The following MTHFD1L variants were observed in gnomAD, a reference collection of about 807,000 sequenced individuals.
MTHFD1L encodes the protein monofunctional C1-tetrahydrofolate synthase, mitochondrial.
MTHFD1L carries 81 observed loss-of-function variants against 119.5 expected under a neutral mutation model. That is an observed-to-expected ratio of 0.68 (90% CI 0.57 to 0.82). The LOEUF (loss-of-function observed/expected upper bound fraction) is 0.82. Ranked by LOEUF, MTHFD1L falls within the 40% of genes least tolerant of loss-of-function variation. MTHFD1L has a pLI of 0.00. For synonymous variants in MTHFD1L, 430 were observed against 475.2 expected (o/e 0.90, Z 1.24); for missense variants, 1,125 against 1,253.4 (o/e 0.90, Z 1.55).
rs183884942 is a variant in MTHFD1L at position 151,037,162 on chromosome 6, C to G, written c.2847+45C>G. 2,623 of 1,602,354 alleles carry G rather than the reference C, an allele frequency of 1.6e-3. 25 individuals carry two copies. The African/African-American group carries it at 0.026, about 16-fold the overall frequency. On this transcript the variant is annotated intron_variant, in intron 26 of 27. Coordinates refer to ENST00000367321, the MANE Select transcript of MTHFD1L (RefSeq NM_015440.5). ...CAAAAACCCTCCCCATTCTGCATTG[C>G]TGTGGTGCCTCAAATCGTTATGCTC...
At chr6:151,090,893 T>C (rs34134755) in intron 26 of MTHFD1L, among the ~76,000 whole-genome samples, 44,280 of 88,908 alleles carry the variant, frequency 0.5, 8,234 homozygotes, top group East Asian at 0.68. Context: ...GGTGCAGCAT[T>C]GCCCCATGCG....
chr6:151,058,694 G>T (rs1416441830), intron 26 of MTHFD1L, among the ~76,000 whole-genome samples: 1 of 152,214 alleles, frequency 6.6e-6, no homozygotes, highest in Non-Finnish European at 1.5e-5. Context: ...GAGTGGCTTG[G>T]CCTGGCCTGG....
chr6:150,866,132 G>GGA, intron 1 of MTHFD1L, 83 bp downstream of exon 1: 1 of 1,435,366 alleles, frequency 7.0e-7, no homozygotes, highest in Non-Finnish European at 9.1e-7. Flanking sequence ...ACCGCCGTGG[G>GGA]GAGCGGGGCG....
chr6:151,011,074 A>G (rs757629507), intron 21 of MTHFD1L, among the ~76,000 whole-genome samples: 36 of 152,328 alleles, frequency 2.4e-4, no homozygotes, highest in Non-Finnish European at 3.8e-4. Context: ...ATCTCCTACT[A>G]TGTCCACCAT....
intron 24 of MTHFD1L, 123 bp from the exon 25 acceptor site, chr6:151,034,370 G>A (rs1425905006): frequency 8.8e-6 from 6 of 678,418 alleles, no homozygotes; most frequent in Admixed American, 7.9e-5. Flanking sequence ...GAATCCTGCA[G>A]TTGCTGAGGG....
chr6:150,959,180 T>C (rs1002345357), intron 17 of MTHFD1L: 1 of 984,544 alleles, frequency 1.0e-6, no homozygotes, highest in Non-Finnish European at 1.2e-6. Flanking sequence ...ACTAAATCAG[T>C]GACTAATGCA....
rs1206432996 is a variant in MTHFD1L at position 150,882,883 on chromosome 6, A to T, written c.539A>T (p.Asp180Val). ...GCCTTGAAACCAGAAAAAGATGTGGATGGGTAAGAAAATAAAATCAAATAA... is the reference window on the plus strand; with the variant it reads ...GCCTTGAAACCAGAAAAAGATGTGGTTGGGTAAGAAAATAAAATCAAATAA... Reference protein sequence around the residue: ...LNALKPEKDVDGVTDINLGKL... With the variant: ...LNALKPEKDVVGVTDINLGKL... Residue 180 changes from aspartate (D) to valine (V), a missense_variant, in exon 5 of 28, where the codon GAT becomes GTT. Transcript: ENST00000367321. 6.4e-7 allele frequency: 1 copy of T among 1,565,926 alleles called. No homozygotes were observed. The highest frequency in any genetic ancestry group is 8.6e-7 in the Non-Finnish European group (1 of 1,166,126).
intron 7 of MTHFD1L, among the ~76,000 whole-genome samples, chr6:150,904,109 C>T (rs1302505620): frequency 6.6e-6 from 1 of 152,128 alleles, no homozygotes; most frequent in East Asian, 1.9e-4. Flanking sequence ...CCTGATGCAC[C>T]CTTTTGCCCA....
chr6:150,952,083 G>A (rs1794951048), intron 16 of MTHFD1L, among the ~76,000 whole-genome samples: 1 of 152,158 alleles, frequency 6.6e-6, no homozygotes, highest in African/African-American at 2.4e-5. Context: ...TCTCTCTGGA[G>A]CCAGGAAGGA....
intron 20 of MTHFD1L, among the ~76,000 whole-genome samples, chr6:151,008,960 T>TTA (rs949269215): frequency 1.8e-5 from 2 of 112,946 alleles, no homozygotes; most frequent in African/African-American, 1.4e-4. Flanking sequence ...CTACTAACAA[T>TTA]AAAAAAAAAA....
At chr6:151,082,295 T>G (rs974981567) in intron 26 of MTHFD1L, among the ~76,000 whole-genome samples, 20 of 152,190 alleles carry the variant, frequency 1.3e-4, no homozygotes, top group African/African-American at 4.8e-4. Context: ...TTTCATCTCC[T>G]AAGGACTGAA....
At chr6:151,027,093 T>G (rs370147549) in intron 24 of MTHFD1L, among the ~76,000 whole-genome samples, 1 of 152,252 alleles carries the variant, frequency 6.6e-6, no homozygotes, top group East Asian at 1.9e-4. Flanking sequence ...CCTCCCAAAG[T>G]GCTGGGATTA....
intron 8 of MTHFD1L, among the ~76,000 whole-genome samples, chr6:150,906,131 G>A (rs967963937): frequency 3.2e-4 from 49 of 152,338 alleles, no homozygotes; most frequent in African/African-American, 1.1e-3. Context: ...ATCTCACTAT[G>A]TAAAAGCAGA....
At chr6:150,950,135 T>A (rs1794632776) in intron 16 of MTHFD1L, among the ~76,000 whole-genome samples, 1 of 152,282 alleles carries the variant, frequency 6.6e-6, no homozygotes, top group South Asian at 2.1e-4. Flanking sequence ...AACAGAGATA[T>A]CCCGTTGTGA....
At chr6:151,021,426 T>C (rs2128503110) in intron 24 of MTHFD1L, among the ~76,000 whole-genome samples, 1 of 152,234 alleles carries the variant, frequency 6.6e-6, no homozygotes, top group African/African-American at 2.4e-5. Flanking sequence ...CACGCACCTG[T>C]AGTCCCAGCT....
At chr6:151,062,955 G>A (rs1371114306) in intron 26 of MTHFD1L, among the ~76,000 whole-genome samples, 1 of 151,970 alleles carries the variant, frequency 6.6e-6, no homozygotes, top group African/African-American at 2.4e-5. Flanking sequence ...AATGGGTGCA[G>A]CACACCAACA....
At chr6:150,967,047 G>C (rs1249360086) in intron 19 of MTHFD1L, among the ~76,000 whole-genome samples, 1 of 152,166 alleles carries the variant, frequency 6.6e-6, no homozygotes, top group Non-Finnish European at 1.5e-5. Flanking sequence ...CATTCTGCCA[G>C]CATGCACGTA....
intron 20 of MTHFD1L, among the ~76,000 whole-genome samples, chr6:150,995,895 T>C (rs1436505844): frequency 6.6e-6 from 1 of 152,122 alleles, no homozygotes; most frequent in East Asian, 1.9e-4. Context: ...ACTCCTGACT[T>C]TGTGATCCAC....
intron 24 of MTHFD1L, among the ~76,000 whole-genome samples, chr6:151,031,874 G>A (rs1671695527): frequency 1.3e-5 from 2 of 152,166 alleles, no homozygotes; most frequent in South Asian, 4.1e-4. Context: ...CTGGTATGTG[G>A]TAGGAATATA....
Sources: allele counts gnomAD v4.1 joint callset (sites outside exome capture counted in the v4.1 genomes callset), GRCh38; gene constraint gnomAD v4.1.1; transcripts MANE v1.5; gene names NCBI Gene and HGNC (gene_info 2026-07-23, HGNC 2026-07-21).